ERICH1: variants seen among roughly 807,000 people sequenced by gnomAD.
ERICH1 encodes glutamate rich 1.
A neutral mutation model predicts 39.6 loss-of-function variants in ERICH1; 56 were observed. The ratio of observed to expected loss-of-function variants is 1.41; its 90% confidence interval spans 1.14 to 1.77. The LOEUF (loss-of-function observed/expected upper bound fraction) is 1.77. Among genes scored for constraint, ERICH1 ranks in the 40% most tolerant of loss-of-function variants. The probability of loss-of-function intolerance (pLI) is 0.00; values close to 1 mark genes in which losing one functional copy is unlikely to be tolerated. For synonymous variants in ERICH1, 313 were observed against 223.6 expected (o/e 1.40, Z -3.57); for missense variants, 826 against 575.4 (o/e 1.44, Z -4.45).
intron 3 of ERICH1, among the ~76,000 whole-genome samples, chr8:678,152 TAA>T (rs139208924): frequency 6.7e-6 from 1 of 148,404 alleles, no homozygotes; most frequent in Admixed American, 6.7e-5. Flanking sequence ...TAATATACAT[TAA>T]AAAAAAAAGA....
At chr8:619,851 A>C (rs568844376) in intron 3 of ERICH1, among the ~76,000 whole-genome samples, 1 of 152,340 alleles carries the variant, frequency 6.6e-6, no homozygotes, top group South Asian at 2.1e-4. Flanking sequence ...ATAAATCTAA[A>C]ATAAAATTTG....
intron 2 of ERICH1, among the ~76,000 whole-genome samples, chr8:700,162 C>G (rs1218810963): frequency 1.8e-4 from 19 of 103,932 alleles, no homozygotes; most frequent in South Asian, 3.5e-4. Context: ...GACCCGCACA[C>G]GCGCACAGGC....
At chr8:696,534 G>T (rs1181674755) in intron 2 of ERICH1, among the ~76,000 whole-genome samples, 2 of 11,726 alleles carry the variant, frequency 1.7e-4, no homozygotes, top group Admixed American at 1.1e-3. Flanking sequence ...CAGCCTGTGC[G>T]CGCTCCTCAC....
intron 3 of ERICH1, among the ~76,000 whole-genome samples, chr8:630,190 C>A (rs1220534115): frequency 8.3e-6 from 1 of 120,550 alleles, no homozygotes; most frequent in African/African-American, 3.6e-5. Context: ...CACACCCTCC[C>A]GTGACCACCC....
At chr8:661,334 C>T (rs1453440153), downstream of ERICH1, among the ~76,000 whole-genome samples, 1 of 152,168 alleles carries the variant, frequency 6.6e-6, no homozygotes, top group African/African-American at 2.4e-5. Flanking sequence ...AGCCTGGCGG[C>T]AGCTGGGCCT....
chr8:635,632 A>T (rs748084607), intron 3 of ERICH1, among the ~76,000 whole-genome samples: 2 of 151,998 alleles, frequency 1.3e-5, no homozygotes, highest in Non-Finnish European at 2.9e-5. Flanking sequence ...GTGTCCAGGG[A>T]CTCCCAGCAA....
At chr8:710,504 G>T (rs1305435098) in intron 2 of ERICH1, among the ~76,000 whole-genome samples, 2 of 125,152 alleles carry the variant, frequency 1.6e-5, no homozygotes, top group East Asian at 2.5e-4. Flanking sequence ...CGTACGGGGC[G>T]GTTTCACCGT....
At chr8:668,945 G>C (rs1216347522) in intron 4 of ERICH1, 153 bp from the exon 5 acceptor site, 20 of 709,632 alleles carry the variant, frequency 2.8e-5, no homozygotes, top group Non-Finnish European at 4.6e-5. Flanking sequence ...GAGAGAATCA[G>C]AACAGAGCTC....
At chr8:707,599 A>C (rs1813603596) in intron 2 of ERICH1, among the ~76,000 whole-genome samples, 1 of 152,202 alleles carries the variant, frequency 6.6e-6, no homozygotes. Context: ...CCACATGCAA[A>C]GGAATGAAGT....
chr8:717,087 G>A (rs144746455), intron 1 of ERICH1, among the ~76,000 whole-genome samples: 33 of 152,282 alleles, frequency 2.2e-4, no homozygotes, highest in African/African-American at 7.5e-4. Context: ...GTGCAGTGTG[G>A]TCATGAACAA....
At chr8:700,959 G>T (rs914616238) in intron 2 of ERICH1, among the ~76,000 whole-genome samples, 1 of 152,266 alleles carries the variant, frequency 6.6e-6, no homozygotes, top group African/African-American at 2.4e-5. Flanking sequence ...AAATGACAGA[G>T]GAAAAGCAGC....
chr8:697,108 G>A (rs1292981800), intron 2 of ERICH1, among the ~76,000 whole-genome samples: 3 of 152,206 alleles, frequency 2.0e-5, no homozygotes, highest in Non-Finnish European at 2.9e-5. Context: ...AGGGCTCTCT[G>A]TATATACACA....
At chr8:616,460 C>G (rs13276586) in intron 3 of ERICH1, 344,647 of 452,040 alleles carry the variant, frequency 0.76, 133,324 homozygotes, top group East Asian at 0.99. Flanking sequence ...GCGGATTCAG[C>G]GCTGGCCAAC....
chr8:707,017 A>G (rs1813431003), intron 2 of ERICH1, among the ~76,000 whole-genome samples: 2 of 152,232 alleles, frequency 1.3e-5, no homozygotes, highest in African/African-American at 4.8e-5. Flanking sequence ...TGGAATTGCA[A>G]GAGACCCTGA....
At chr8:674,577 T>A (rs567846964) in intron 3 of ERICH1, among the ~76,000 whole-genome samples, 130 of 152,346 alleles carry the variant, frequency 8.5e-4, no homozygotes, top group Non-Finnish European at 1.4e-3. Context: ...GTGCTGGGAT[T>A]TCAGGAATGA....
At position 709,969 on chromosome 8, in the gene ERICH1, T is replaced by A. The variant is rs571685047; in HGVS notation, c.169+5892A>T. On this transcript the variant is annotated intron_variant, in intron 2 of 5. Transcript: ENST00000262109. The stretch of plus-strand genomic sequence containing the variant: ...GTAAATCGACCTTAAAAATACAATT[T>A]TAAAAAAGATTAAAAATGTTGGTTC... Among the ~76,000 whole-genome samples the A allele has an allele frequency of 1.3e-3, 199 of 152,178 alleles. 1 individual carries two copies. Among genetic ancestry groups the A allele is most frequent in the South Asian group, 0.012 (58 of 4,818 alleles).
intron 3 of ERICH1, among the ~76,000 whole-genome samples, chr8:686,935 GA>G (rs1231284164): frequency 9.4e-6 from 1 of 106,800 alleles, no homozygotes; most frequent in Admixed American, 1.0e-4. Context: ...GAGATGCGAG[GA>G]ATGCGGAGCG....
intron 3 of ERICH1, among the ~76,000 whole-genome samples, chr8:685,004 G>A (rs570823417): frequency 1.3e-5 from 2 of 152,332 alleles, no homozygotes; most frequent in African/African-American, 2.4e-5. Context: ...TGATAACAGG[G>A]TTCAAGAGCA....
intron 2 of ERICH1, among the ~76,000 whole-genome samples, chr8:706,270 C>G (rs147198102): frequency 3.3e-5 from 5 of 152,288 alleles, no homozygotes; most frequent in African/African-American, 1.2e-4. Flanking sequence ...AGCTAATAAA[C>G]TAGTTAGGCA....
Sources: gnomAD v4.1 joint callset for allele counts (sites outside exome capture counted in the v4.1 genomes callset) on GRCh38, gnomAD v4.1.1 for gene constraint, MANE v1.5 for transcripts, NCBI Gene and HGNC (gene_info 2026-07-23, HGNC 2026-07-21) for gene names.